The following NUMA1 variants were observed in gnomAD, a reference collection of about 807,000 sequenced individuals.
The protein encoded by NUMA1 is nuclear mitotic apparatus protein 1, also known as SP-H antigen.
A neutral mutation model predicts 237.1 loss-of-function variants in NUMA1; 62 were observed. The ratio of observed to expected loss-of-function variants is 0.26; its 90% CI spans 0.21 to 0.32. NUMA1 has a LOEUF of 0.32. Among genes scored for constraint, NUMA1 ranks in the 10% least tolerant of loss-of-function variants. The probability of loss-of-function intolerance (pLI) is 1.00; values close to 1 mark genes in which losing one functional copy is unlikely to be tolerated. For missense variants in NUMA1, 2,533 were observed against 2,666.5 expected, an observed-to-expected ratio of 0.95 and a Z score of 1.10; for synonymous variants, 1,028 against 1,066.1, an observed-to-expected ratio of 0.96 and a Z score of 0.70.
intron 12 of NUMA1, 169 bp downstream of exon 12, chr11:72,018,014 C>T (rs550248768): frequency 1.7e-5 from 16 of 939,842 alleles, no homozygotes; most frequent in African/African-American, 1.2e-4. Context: ...GCCCAGTACC[C>T]GGGAAGCCGC....
intron 2 of NUMA1, chr11:72,067,555 TA>T (rs1290134888): frequency 6.6e-6 from 1 of 152,202 alleles, no homozygotes; most frequent in African/African-American, 2.4e-5. Context: ...ATTAAATAGC[TA>T]CTTAATGTCT....
chr11:72,009,226 G>A (rs1955972869), intron 18 of NUMA1, 41 bp from the exon 19 acceptor site: 3 of 1,584,834 alleles, frequency 1.9e-6, no homozygotes, highest in African/African-American at 2.7e-5. Flanking sequence ...AGAGGTTGAA[G>A]GGCAGGAGGA....
chr11:72,038,706 G>C (rs781307660), intron 2 of NUMA1, among the ~76,000 whole-genome samples: 45 of 151,942 alleles, frequency 3.0e-4, no homozygotes, highest in Non-Finnish European at 5.1e-4. Flanking sequence ...TGGAAAAACA[G>C]ATCCTTGCGA....
At position 72,010,866 on chromosome 11, in the gene NUMA1, A is replaced by AG; in HGVS notation, c.4651-13dup. 3 of 1,613,190 alleles carry AG rather than the reference A, an allele frequency of 1.9e-6. No individual in the cohort carries two copies. Among genetic ancestry groups the AG allele is most frequent in the Non-Finnish European group, 2.5e-6 (3 of 1,179,360 alleles). On this transcript the variant is annotated splice_polypyrimidine_tract_variant and intron_variant, in intron 16 of 26. Transcript: ENST00000393695. The stretch of plus-strand genomic sequence containing the variant: ...CTCAGTTCTTCCACCTGGGGAGGGA[A>AG]GAGGAGGACAGAAGACTCAGGAGGA...
chr11:72,058,645 T>C (rs1441165291), intron 2 of NUMA1, among the ~76,000 whole-genome samples: 1 of 152,252 alleles, frequency 6.6e-6, no homozygotes, highest in Non-Finnish European at 1.5e-5. Flanking sequence ...GGTCTCATCA[T>C]CATCCCTACC....
rs1939291812 is a variant in NUMA1 at position 72,024,365 on chromosome 11, G to A, written c.129-12C>T. The A allele has an allele frequency of 1.2e-6, 2 of 1,612,984 alleles. No homozygotes were observed. Among genetic ancestry groups the A allele is most frequent in the East Asian group, 2.2e-5 (1 of 44,884 alleles). On this transcript the variant is annotated splice_polypyrimidine_tract_variant and intron_variant, in intron 4 of 26. Coordinates refer to ENST00000393695, the MANE Select transcript of NUMA1 (RefSeq NM_006185.4). ...CTTCAGTGCCATGGCTAGAAAAAGA[G>A]CAAGTATTAGGACCAGAGTATTCAG...
chr11:72,072,145 C>T (rs1392607762), intron 1 of NUMA1: 1 of 152,610 alleles, frequency 6.6e-6, no homozygotes, highest in African/African-American at 2.4e-5. Context: ...CCTCACTCCT[C>T]ATTGAGGCCA....
At chr11:72,051,250 C>T (rs965422383) in intron 2 of NUMA1, among the ~76,000 whole-genome samples, 3 of 152,136 alleles carry the variant, frequency 2.0e-5, no homozygotes, top group Admixed American at 6.6e-5. Context: ...ATAAATCCTA[C>T]GTATCTGGCA....
chr11:72,028,895 C>T (rs928696448), intron 4 of NUMA1, among the ~76,000 whole-genome samples: 2 of 152,162 alleles, frequency 1.3e-5, no homozygotes, highest in African/African-American at 4.8e-5. Flanking sequence ...TCTGGTGAGA[C>T]AAGAGATGGG....
Position 72,007,381 on chromosome 11 carries a change from T to G in NUMA1, c.5271A>C (p.Ser1757=). The G allele has an allele frequency of 6.2e-7, 1 of 1,613,740 alleles. No homozygotes were observed. Residue 1757 remains serine, a synonymous_variant, in exon 21 of 27, where the codon TCA becomes TCC. Transcript: ENST00000393695. ...DGTSVPGEPA[S]PISQRLPPKV... ...TGGGGGGCAGGCGCTGGGAGATAGG[T>G]GAGGCTGGTTCTCCAGGGACGCTGG...
At chr11:72,028,731 A>G (rs955264553) in intron 4 of NUMA1, among the ~76,000 whole-genome samples, 1 of 152,242 alleles carries the variant, frequency 6.6e-6, no homozygotes, top group Non-Finnish European at 1.5e-5. Context: ...AAAGAGGCAT[A>G]TCTGTACTGT....
At chr11:72,073,048 C>CAAAAAAAAAAAA (rs71052849) in intron 1 of NUMA1, among the ~76,000 whole-genome samples, 865 of 38,910 alleles carry the variant, frequency 0.022, 276 homozygotes, top group African/African-American at 0.046. Context: ...GACTCCGTCT[C>CAAAAAAAAAAAA]AAAAAAAAAA....
At position 72,015,712 on chromosome 11, in the gene NUMA1, C is replaced by T. The variant is rs1014866760; in HGVS notation, c.1791G>A (p.Arg597=). 1 of 1,614,054 alleles carries T rather than the reference C, an allele frequency of 6.2e-7. No individual in the cohort carries two copies. The highest frequency in any genetic ancestry group is 1.3e-5 in the African/African-American group (1 of 74,948). Reference sequence around the variant, plus strand: ...GCTGCTTGAGAGCCGCATCCCGCTCCCTTAAGGAGGCCTCTCGCTCCTCTG... The same window carrying T: ...GCTGCTTGAGAGCCGCATCCCGCTCTCTTAAGGAGGCCTCTCGCTCCTCTG... The part of the protein sequence containing the change: ...TAAEEREASL[R]ERDAALKQLE... Residue 597 remains arginine, a synonymous_variant, in exon 15 of 27, where the codon AGG becomes AGA. Coordinates refer to ENST00000393695, the MANE Select transcript of NUMA1 (RefSeq NM_006185.4). This position sits in a 1 kb window ranked among gnomAD's most constrained non-coding sequence, Gnocchi z 4.0.
At position 72,009,589 on chromosome 11, in the gene NUMA1, G is replaced by A. The variant is rs183878358; in HGVS notation, c.4720-202C>T. On this transcript the variant is annotated intron_variant, in intron 17 of 26. Transcript: ENST00000393695. The stretch of plus-strand genomic sequence containing the variant: ...CCCACATGCCCTTCAGTCCACATCC[G>A]TAGTGGCCTTTCCCTGACCAGCTCC... 1.9e-4 allele frequency among the ~76,000 whole-genome samples: 29 copies of A among 152,320 alleles called. No homozygotes were observed. In the East Asian group the frequency reaches 4.6e-3, roughly 24 times the overall value.
chr11:72,059,882 C>T (rs1312082859), intron 2 of NUMA1, among the ~76,000 whole-genome samples: 1 of 152,156 alleles, frequency 6.6e-6, no homozygotes, highest in Non-Finnish European at 1.5e-5. Context: ...AAATTCCCAT[C>T]TACACCCTTC....
intron 4 of NUMA1, among the ~76,000 whole-genome samples, chr11:72,026,565 G>A (rs1179273369): frequency 6.6e-6 from 1 of 152,244 alleles, no homozygotes. Flanking sequence ...AAACTTGTCA[G>A]AGGGGTTGAT....
Position 72,017,710 on chromosome 11 carries a change from GCTC to G in NUMA1, c.1093_1095del (p.Glu365del). The G allele has an allele frequency of 6.2e-7, 1 of 1,613,340 alleles. No homozygotes were observed. Among genetic ancestry groups the G allele is most frequent in the Non-Finnish European group, 8.5e-7 (1 of 1,180,022 alleles). ...ACCTTGTCCTGCAGGGCTGCGCTGA[GCTC>G]CTTCTCCAGCTGGGCCTGCTTCTCT... On this transcript the variant is annotated inframe_deletion, in exon 13 of 27. Transcript: ENST00000393695.
At chr11:72,004,892 T>G (rs1955580744) in intron 23 of NUMA1, 76 bp from the exon 24 acceptor site, 16 of 1,382,538 alleles carry the variant, frequency 1.2e-5, no homozygotes, top group Non-Finnish European at 1.6e-5. Context: ...GTCCCAGAAC[T>G]CTACACTCGC....
rs777276380 is a variant in NUMA1 at position 72,006,085 on chromosome 11, C to G, written c.5642G>C (p.Arg1881Pro). 6.2e-7 allele frequency: 1 copy of G among 1,613,938 alleles called. No homozygotes were observed. The highest frequency in any genetic ancestry group is 8.5e-7 in the Non-Finnish European group (1 of 1,179,940). ...LSLPGYRPTT[R>P]SSARRSQAGV... is the part of the protein sequence containing the mutation. ...GGCCTGGGAACGACGAGCAGAACTG[C>G]GAGTGGTGGGGCGGTAGCCAGGCAA... is the stretch of plus-strand genomic sequence containing the variant. Residue 1881 changes from arginine to proline, a missense_variant, in exon 22 of 27, where the codon CGC (arginine) becomes CCC (proline). Arg to Pro is a moderately radical substitution (Grantham distance 103). Transcript: ENST00000393695.
Sources: gnomAD v4.1 joint callset for allele counts (sites outside exome capture counted in the v4.1 genomes callset) on GRCh38, gnomAD v4.1.1 for gene constraint, Gnocchi (gnomAD v3.1) non-coding constraint, MANE v1.5 for transcripts, NCBI Gene and HGNC (gene_info 2026-07-23, HGNC 2026-07-21) for gene names.